The following CLEC6A variants were observed in gnomAD, a reference collection of about 807,000 sequenced individuals.
CLEC6A encodes C-type lectin domain family 6 member A.
A neutral mutation model predicts 25.7 loss-of-function variants in CLEC6A; 22 were observed. That is an observed-to-expected ratio of 0.85 (90% CI 0.61 to 1.22). The LOEUF (loss-of-function observed/expected upper bound fraction) is 1.22. Ranked by LOEUF, CLEC6A falls within the 50% of genes most tolerant of loss-of-function variation. The pLI, the probability that CLEC6A is intolerant of heterozygous loss-of-function variation, is 0.00. For missense variants in CLEC6A, 240 were observed against 236.8 expected, an observed-to-expected ratio of 1.01 and a Z score of -0.09; for synonymous variants, 92 against 76.7, an observed-to-expected ratio of 1.20 and a Z score of -1.04.
intron 3 of CLEC6A, chr12:8,460,941 C>T (rs1259398579): frequency 1.5e-5 from 13 of 882,234 alleles, no homozygotes; most frequent in South Asian, 3.9e-5. Context: ...GAGCTGGATG[C>T]CACTGTGGGG....
At chr12:8,468,843 G>T (rs940313603) in intron 4 of CLEC6A, among the ~76,000 whole-genome samples, 1 of 152,040 alleles carries the variant, frequency 6.6e-6, no homozygotes, top group Admixed American at 6.6e-5. Context: ...ACTCAACAGG[G>T]AAAAGTTAAA....
intron 4 of CLEC6A, among the ~76,000 whole-genome samples, chr12:8,469,847 G>A (rs1939883042): frequency 6.6e-6 from 1 of 152,080 alleles, no homozygotes; most frequent in Non-Finnish European, 1.5e-5. Flanking sequence ...GATAACATTG[G>A]AAAAACCCTT....
chr12:8,468,540 G>A (rs1565483541), intron 4 of CLEC6A, among the ~76,000 whole-genome samples: 1 of 152,164 alleles, frequency 6.6e-6, no homozygotes, highest in Admixed American at 6.5e-5. Context: ...GAAGTGATGA[G>A]ATTAGGCATT....
At chr12:8,469,895 A>G (rs1332448751) in intron 4 of CLEC6A, among the ~76,000 whole-genome samples, 9 of 152,112 alleles carry the variant, frequency 5.9e-5, no homozygotes, top group Non-Finnish European at 1.2e-4. Flanking sequence ...ATGACCAAGA[A>G]CCCAAAAGCA....
In CLEC6A at chr12:8,457,919, TG is replaced by T. The variant is rs758030033; in HGVS notation, c.54del (p.Arg19AspfsTer19). 1.2e-6 allele frequency: 2 copies of T among 1,611,562 alleles called. No homozygotes were observed. Among genetic ancestry groups the T allele is most frequent in the African/African-American group, 2.7e-5 (2 of 74,860 alleles). On this transcript the variant is annotated frameshift_variant, in exon 2 of 6. Transcript: ENST00000382073. LOFTEE classifies it high-confidence loss of function. Reference sequence around the variant, plus strand: ...ACAGAGAAAAGAGGCTGGTTGTCCCTGAGACTCTGGTCTGTGGCTGGGATTT... The same window carrying T: ...ACAGAGAAAAGAGGCTGGTTGTCCCTAGACTCTGGTCTGTGGCTGGGATTT... ...QSTEKRGWLSLRLWSVAGISI... is the reference protein window; with the variant it reads ...QSTEKRGWLSXRLWSVAGISI...
chr12:8,472,462 C>G (rs1261931704), intron 4 of CLEC6A, among the ~76,000 whole-genome samples: 5 of 152,162 alleles, frequency 3.3e-5, no homozygotes, highest in African/African-American at 1.2e-4. Context: ...TCTTCTCTTT[C>G]CCTTCCAAGA....
At chr12:8,477,290 G>T (rs916088856) in intron 5 of CLEC6A, 30 bp from the exon 6 acceptor site, 7 of 1,577,080 alleles carry the variant, frequency 4.4e-6, no homozygotes, top group Non-Finnish European at 6.0e-6. Context: ...ATTCTTTGAA[G>T]ATGTGTACTA....
rs1250732605 is a variant in CLEC6A, at chr12:8,456,149, A to G, written c.31+7A>G. 1 of 1,613,474 alleles carries G rather than the reference A, an allele frequency of 6.2e-7. No homozygotes were observed. The highest frequency in any genetic ancestry group is 8.5e-7 in the Non-Finnish European group (1 of 1,179,670). On this transcript the variant is annotated splice_region_variant and intron_variant, in intron 1 of 5. Transcript: ENST00000382073. ...CAGCAACCTCAAAGTACAGGTGAGT[A>G]TTTCCTCAGTTTCAGAGGAAAGTGG...
rs373008371 is a variant in CLEC6A at position 8,465,478 on chromosome 12, A to G, written c.224-6A>G. On this transcript the variant is annotated splice_region_variant and splice_polypyrimidine_tract_variant and intron_variant, in intron 3 of 5. Coordinates refer to ENST00000382073, the MANE Select transcript of CLEC6A (RefSeq NM_001007033.2). ...CACTCTTTTTTTTCATGTAACACAA[A>G]AATAGCCTGGGGATGTTGCCCAGCT... The G allele has an allele frequency of 3.1e-6, 5 of 1,613,850 alleles. No homozygotes were observed. The African/African-American group carries it at 6.7e-5, about 22-fold the overall frequency.
chr12:8,468,127 G>A (rs866317259), intron 4 of CLEC6A, among the ~76,000 whole-genome samples: 5 of 152,024 alleles, frequency 3.3e-5, no homozygotes, highest in African/African-American at 9.7e-5. Flanking sequence ...ATTTTTAGTA[G>A]AGATAGGGTT....
intron 3 of CLEC6A, among the ~76,000 whole-genome samples, chr12:8,463,519 C>T (rs1467265392): frequency 6.6e-6 from 1 of 152,100 alleles, no homozygotes; most frequent in Non-Finnish European, 1.5e-5. Flanking sequence ...GAATGTCACT[C>T]AATTTTGGAT....
chr12:8,468,316 T>C (rs1282469134), intron 4 of CLEC6A, among the ~76,000 whole-genome samples: 4 of 152,224 alleles, frequency 2.6e-5, no homozygotes, highest in African/African-American at 9.6e-5. Context: ...TTAGAAATGA[T>C]ACTATTTTTT....
intron 4 of CLEC6A, among the ~76,000 whole-genome samples, chr12:8,468,661 A>G (rs1162404412): frequency 2.0e-5 from 3 of 152,228 alleles, no homozygotes; most frequent in African/African-American, 7.2e-5. Flanking sequence ...GTGATACACC[A>G]TATAAACAGA....
rs1939987638 is a variant in CLEC6A, at chr12:8,477,251, CTT to C, written c.486-66_486-65del. 7 of 1,329,498 alleles carry C rather than the reference CTT, an allele frequency of 5.3e-6. No individual in the cohort carries two copies. In the Admixed American group the frequency reaches 1.6e-4, roughly 30 times the overall value. The allele number at this position is 1,329,498 out of a possible 1,614,324, so 82.4% of individuals were successfully genotyped here. On this transcript the variant is annotated intron_variant, in intron 5 of 5. Transcript: ENST00000382073. ...TAAATCCCACTTTGTTCACCCCAGA[CTT>C]TTATACTTTCTAATCATTCACCATG... is the stretch of plus-strand genomic sequence containing the variant.
chr12:8,458,136 GT>G, intron 2 of CLEC6A, 149 bp downstream of exon 2: 1 of 581,924 alleles, frequency 1.7e-6, no homozygotes, highest in Non-Finnish European at 3.0e-6. Context: ...TTTTCCCTTT[GT>G]TTTTCTCCCT....
chr12:8,461,278 C>G, intron 3 of CLEC6A: 1 of 565,512 alleles, frequency 1.8e-6, no homozygotes, highest in East Asian at 3.0e-5. Flanking sequence ...CAATTTAGGA[C>G]AGTCAAAAAA....
chr12:8,457,330 C>G (rs1293458062), intron 1 of CLEC6A, among the ~76,000 whole-genome samples: 2 of 152,166 alleles, frequency 1.3e-5, no homozygotes, highest in Non-Finnish European at 2.9e-5. Context: ...CAATGTTTGT[C>G]TTTCTGTGCC....
At chr12:8,465,379 T>TTA in intron 3 of CLEC6A, 105 bp from the exon 4 acceptor site, 2 of 1,124,650 alleles carry the variant, frequency 1.8e-6, no homozygotes, top group Non-Finnish European at 2.5e-6. Context: ...CAGGAAACAG[T>TTA]AAAAACGTGA....
chr12:8,474,994 A>G (rs1939953292), intron 4 of CLEC6A, among the ~76,000 whole-genome samples: 1 of 151,976 alleles, frequency 6.6e-6, no homozygotes, highest in African/African-American at 2.4e-5. Flanking sequence ...TTAACTCATC[A>G]TTTATATTAG....
Sources: gnomAD v4.1 joint callset for allele counts (sites outside exome capture counted in the v4.1 genomes callset) on GRCh38, gnomAD v4.1.1 for gene constraint, MANE v1.5 for transcripts, NCBI Gene and HGNC (gene_info 2026-07-23, HGNC 2026-07-21) for gene names.